Variants in KCNAB1 observed in about 807,000 individuals in gnomAD.
KCNAB1 encodes voltage-gated potassium channel subunit beta-1.
Under a neutral mutation model 64.6 loss-of-function variants are expected in KCNAB1, and 35 were observed. That is an observed-to-expected ratio of 0.54 (90% CI 0.41 to 0.72). The LOEUF is 0.72. Among genes scored for constraint, KCNAB1 ranks in the 30% least tolerant of loss-of-function variants. The probability of loss-of-function intolerance (pLI) is 0.00; values close to 1 mark genes in which losing one functional copy is unlikely to be tolerated. For synonymous variants in KCNAB1, 177 were observed against 183.8 expected (o/e 0.96, Z 0.30); for missense variants, 401 against 512.9 (o/e 0.78, Z 2.11).
At chr3:156,397,813 T>C (rs1407543896) in intron 1 of KCNAB1, among the ~76,000 whole-genome samples, 1 of 152,162 alleles carries the variant, frequency 6.6e-6, no homozygotes, top group Non-Finnish European at 1.5e-5. Context: ...ACCACACTCA[T>C]TGTGTGTGTA....
At chr3:156,317,881 A>G (rs1427595163) in intron 1 of KCNAB1, among the ~76,000 whole-genome samples, 1 of 152,220 alleles carries the variant, frequency 6.6e-6, no homozygotes, top group African/African-American at 2.4e-5. Context: ...TAGAGCAAAC[A>G]GGACCTTCCA....
At chr3:156,132,958 T>G (rs1440758006) in intron 1 of KCNAB1, among the ~76,000 whole-genome samples, 1 of 152,210 alleles carries the variant, frequency 6.6e-6, no homozygotes, top group Non-Finnish European at 1.5e-5. Context: ...AATGAGGAAT[T>G]TGGAGAATAA....
At chr3:156,358,928 G>T (rs1725428379) in intron 1 of KCNAB1, among the ~76,000 whole-genome samples, 1 of 152,164 alleles carries the variant, frequency 6.6e-6, no homozygotes, top group African/African-American at 2.4e-5. Flanking sequence ...TTTCAGCAGA[G>T]AACTGTATAA....
intron 12 of KCNAB1, among the ~76,000 whole-genome samples, chr3:156,524,945 G>A (rs1358958191): frequency 2.0e-5 from 3 of 151,958 alleles, no homozygotes; most frequent in East Asian, 1.9e-4. Flanking sequence ...CCTAAGGTCC[G>A]AGTGCAATGA....
At chr3:156,130,286 A>G (rs534710982) in intron 1 of KCNAB1, among the ~76,000 whole-genome samples, 49 of 152,310 alleles carry the variant, frequency 3.2e-4, no homozygotes, top group South Asian at 1.0e-3. Flanking sequence ...GGTTACCCCA[A>G]TCTGTTTTTC....
At chr3:156,445,450 G>T (rs770093006) in intron 2 of KCNAB1, among the ~76,000 whole-genome samples, 19 of 152,194 alleles carry the variant, frequency 1.2e-4, no homozygotes, top group Non-Finnish European at 2.6e-4. Flanking sequence ...CAGAAATTCT[G>T]ATTTCACTGG....
At chr3:156,299,460 G>A (rs1328189341) in intron 1 of KCNAB1, among the ~76,000 whole-genome samples, 1 of 152,194 alleles carries the variant, frequency 6.6e-6, no homozygotes, top group Non-Finnish European at 1.5e-5. Flanking sequence ...GCATCACAGT[G>A]TCTAAAGCAC....
chr3:156,412,884 T>C (rs892398555), intron 1 of KCNAB1, among the ~76,000 whole-genome samples: 8 of 152,164 alleles, frequency 5.3e-5, no homozygotes, highest in Non-Finnish European at 1.0e-4. Context: ...GAAGACAAAA[T>C]ATCCAGGTTT....
intron 1 of KCNAB1, among the ~76,000 whole-genome samples, chr3:156,220,730 A>G (rs1327829023): frequency 1.3e-5 from 2 of 151,992 alleles, no homozygotes; most frequent in Non-Finnish European, 2.9e-5. Flanking sequence ...ATTAGATCCC[A>G]TTTGTCTATT....
chr3:156,399,658 C>A (rs1435773502), intron 1 of KCNAB1, among the ~76,000 whole-genome samples: 1 of 152,090 alleles, frequency 6.6e-6, no homozygotes, highest in Non-Finnish European at 1.5e-5. Flanking sequence ...GATGGAAACT[C>A]ATACTGAACA....
chr3:156,285,303 G>T (rs1720035755), intron 1 of KCNAB1, among the ~76,000 whole-genome samples: 1 of 152,038 alleles, frequency 6.6e-6, no homozygotes, highest in South Asian at 2.1e-4. Context: ...CAATATTTAT[G>T]CCATCTTGTT....
chr3:156,143,576 T>TG (rs1560105831), intron 1 of KCNAB1, among the ~76,000 whole-genome samples: 33 of 17,890 alleles, frequency 1.8e-3, no homozygotes, highest in Non-Finnish European at 2.7e-3. Context: ...CTTGTTTTTT[T>TG]TTTTTTTTTT....
intron 8 of KCNAB1, among the ~76,000 whole-genome samples, chr3:156,492,412 G>C (rs1368198899): frequency 2.6e-5 from 4 of 152,098 alleles, no homozygotes; most frequent in Non-Finnish European, 5.9e-5. Flanking sequence ...GGCCTAAGAA[G>C]CTGGCAGCTT....
intron 1 of KCNAB1, among the ~76,000 whole-genome samples, chr3:156,253,121 G>A (rs1314382515): frequency 6.6e-6 from 1 of 152,214 alleles, no homozygotes; most frequent in African/African-American, 2.4e-5. Flanking sequence ...ATCCGTGGGT[G>A]TCATGGCATA....
chr3:156,529,503 A>AG (rs1226906441), intron 12 of KCNAB1, among the ~76,000 whole-genome samples: 2 of 151,766 alleles, frequency 1.3e-5, no homozygotes, highest in Non-Finnish European at 2.9e-5. Context: ...AAAAAAAAAA[A>AG]AGAGCATGGT....
intron 1 of KCNAB1, among the ~76,000 whole-genome samples, chr3:156,348,805 C>G (rs1038656152): frequency 1.3e-5 from 2 of 152,096 alleles, no homozygotes; most frequent in Non-Finnish European, 2.9e-5. Context: ...AAAGAAGCCT[C>G]TATATATGGT....
chr3:156,177,545 T>G (rs999120097), intron 1 of KCNAB1, among the ~76,000 whole-genome samples: 2 of 151,372 alleles, frequency 1.3e-5, no homozygotes, highest in Non-Finnish European at 2.9e-5. Flanking sequence ...CCTGGCTAAT[T>G]TTTTTGTATT....
chr3:156,263,991 A>G (rs901184885), intron 1 of KCNAB1, among the ~76,000 whole-genome samples: 18 of 152,082 alleles, frequency 1.2e-4, no homozygotes, highest in African/African-American at 4.1e-4. Flanking sequence ...TCTATCAGTT[A>G]CTGAGAGTGA....
rs376809045 is a variant in KCNAB1, at chr3:156,367,371, C to T, written c.276-54245C>T. 1.6e-4 allele frequency among the ~76,000 whole-genome samples: 24 copies of T among 150,998 alleles called. 1 individual carries two copies. In the East Asian group the frequency reaches 1.7e-3, roughly 11 times the overall value. ...TTTTTTTTTGTATTTTTAGTAGAGA[C>T]GGGGTTTCACTGTGTTAGCCAGGAT... On this transcript the variant is annotated intron_variant, in intron 1 of 13. Transcript: ENST00000490337.
Sources: allele counts gnomAD v4.1 joint callset (sites outside exome capture counted in the v4.1 genomes callset), GRCh38; gene constraint gnomAD v4.1.1; transcripts MANE v1.5; gene names NCBI Gene and HGNC (gene_info 2026-07-23, HGNC 2026-07-21).